The following OTOP1 variants were observed in gnomAD, a reference collection of about 807,000 sequenced individuals.
OTOP1 encodes the protein proton channel OTOP1.
Under a neutral mutation model 52.9 loss-of-function variants are expected in OTOP1, and 59 were observed. That is an observed-to-expected ratio of 1.12 (90% CI 0.91 to 1.39). The LOEUF is 1.39. Ranked by LOEUF, OTOP1 falls within the 40% of genes most tolerant of loss-of-function variation. The pLI is 0.00. For synonymous variants in OTOP1, 317 were observed against 337.7 expected (o/e 0.94, Z 0.67); for missense variants, 761 against 800.9 (o/e 0.95, Z 0.60).
chr4:4,226,013 G>A (rs1717424190), intron 1 of OTOP1, among the ~76,000 whole-genome samples: 1 of 152,230 alleles, frequency 6.6e-6, no homozygotes, highest in African/African-American at 2.4e-5. Context: ...CGAATGTGCA[G>A]AGGCAGAGGT....
At position 4,199,233 on chromosome 4, in the gene OTOP1, T is replaced by TGAGAGAGAGAGAGA. The variant is rs71600542; in HGVS notation, c.731-1144_731-1131dup. On this transcript the variant is annotated intron_variant, in intron 4 of 5. Transcript: ENST00000296358. ...ACTCAGGTAAAATTGTGTGTGTGTG[T>TGAGAGAGAGAGAGA]GAGAGAGAGAGAGAGAGAGAGAGAG... is the stretch of plus-strand genomic sequence containing the variant. Among the ~76,000 whole-genome samples the TGAGAGAGAGAGAGA allele has an allele frequency of 1.1e-4, 11 of 98,566 alleles. 1 individual carries two copies. Among genetic ancestry groups the TGAGAGAGAGAGAGA allele is most frequent in the African/African-American group, 4.4e-4 (10 of 22,634 alleles). 64.7% of individuals were successfully genotyped at this position (98,566 alleles called of 152,430 possible).
chr4:4,191,898 AGAAGGGAGAGAG>A (rs1043544055), intron 5 of OTOP1, among the ~76,000 whole-genome samples: 1 of 152,190 alleles, frequency 6.6e-6, no homozygotes, highest in African/African-American at 2.4e-5. Flanking sequence ...ACCTTCTAAA[AGAAGGGAGAGAG>A]GAAGGGAGAG....
Position 4,220,105 on chromosome 4 carries a change from A to ATT in OTOP1, c.403+6355_403+6356dup, listed in dbSNP as rs1183792130. ...CATATATATATATATATATATATAT[A>ATT]TTTTTTTTTTTTTTGAGATGGAGTT... On this transcript the variant is annotated intron_variant, in intron 1 of 5. Transcript: ENST00000296358. Among the ~76,000 whole-genome samples the ATT allele has an allele frequency of 6.2e-3, 369 of 59,396 alleles. 5 individuals carry two copies. Among genetic ancestry groups the ATT allele is most frequent in the South Asian group, 0.014 (28 of 1,962 alleles). 39.0% of individuals were successfully genotyped at this position (59,396 alleles called of 152,430 possible). A position where few individuals can be genotyped will look rare whatever the true frequency, so the allele number is the denominator to read the frequency against.
chr4:4,200,178 G>A (rs1315960196), intron 4 of OTOP1, among the ~76,000 whole-genome samples: 1 of 152,150 alleles, frequency 6.6e-6, no homozygotes, highest in Non-Finnish European at 1.5e-5. Context: ...TTTAGTTTAT[G>A]ATATGTATAT....
intron 3 of OTOP1, among the ~76,000 whole-genome samples, chr4:4,204,712 CTGTGTGTGTGTGTG>C (rs10526016): frequency 6.0e-5 from 9 of 149,998 alleles, no homozygotes; most frequent in South Asian, 2.1e-4. Flanking sequence ...TTTCCTTCAT[CTGTGTGTGTGTGTG>C]TGTGTGTGTG....
chr4:4,226,446 C>T lies in OTOP1; in HGVS notation c.403+16G>A, dbSNP rs745535513. 2.1e-5 allele frequency: 30 copies of T among 1,422,706 alleles called. No individual in the cohort carries two copies. The African/African-American group carries it at 3.0e-4, about 14-fold the overall frequency. 88.1% of individuals were successfully genotyped at this position (1,422,706 alleles called of 1,614,324 possible). On this transcript the variant is annotated intron_variant, in intron 1 of 5. Coordinates refer to ENST00000296358, the MANE Select transcript of OTOP1 (RefSeq NM_177998.3). The stretch of plus-strand genomic sequence containing the variant: ...GCGAGGAGGCGGAGACCCGCTCGCC[C>T]GGCGCCTGGACTCACCGCGCAGCCA...
chr4:4,197,142 T>C lies in OTOP1; in HGVS notation c.1668+24A>G, dbSNP rs565363679. ...AAAGTTTAAAGTAAAATTAAAAGAA[T>C]AAGAATAACTTGGTGCAGATTACCG... is the stretch of plus-strand genomic sequence containing the variant. On this transcript the variant is annotated intron_variant, in intron 5 of 5. Coordinates refer to ENST00000296358, the MANE Select transcript of OTOP1 (RefSeq NM_177998.3). 581 of 1,560,188 alleles carry C rather than the reference T, an allele frequency of 3.7e-4. 7 individuals are homozygous for C. The South Asian group carries it at 6.5e-3, about 17-fold the overall frequency.
In OTOP1 at chr4:4,206,276, C is replaced by T. The variant is rs1716904871; in HGVS notation, c.541-146G>A. 4 of 612,908 alleles carry T rather than the reference C, an allele frequency of 6.5e-6. No homozygotes were observed. In the Admixed American group the frequency reaches 8.8e-5, roughly 13 times the overall value. The allele number at this position is 612,908 out of a possible 1,614,324, so 38.0% of individuals were successfully genotyped here. On this transcript the variant is annotated intron_variant, in intron 2 of 5. Coordinates refer to ENST00000296358, the MANE Select transcript of OTOP1 (RefSeq NM_177998.3). ...TCCTACTCCATCTTAGGTGGCAGTG[C>T]CACTCCTCAATGGGGACAATGATCC...
chr4:4,190,701 A>G (rs1487626470), intron 5 of OTOP1, among the ~76,000 whole-genome samples: 1 of 152,114 alleles, frequency 6.6e-6, no homozygotes, highest in Non-Finnish European at 1.5e-5. Context: ...AGAGGACTTG[A>G]GCATCTGTGC....
At chr4:4,215,724 A>G (rs10000020) in intron 1 of OTOP1, among the ~76,000 whole-genome samples, 40,415 of 151,992 alleles carry the variant, frequency 0.27, 6,591 homozygotes, top group African/African-American at 0.45. Context: ...GGTCATACAG[A>G]TATACAGGAA....
intron 5 of OTOP1, among the ~76,000 whole-genome samples, chr4:4,191,267 C>G (rs1195586967): frequency 3.9e-5 from 6 of 152,174 alleles, no homozygotes; most frequent in Non-Finnish European, 5.9e-5. Context: ...ACCTGTCCAT[C>G]CAGACTTTCT....
chr4:4,215,244 C>A (rs903515261), intron 1 of OTOP1, among the ~76,000 whole-genome samples: 2 of 152,238 alleles, frequency 1.3e-5, no homozygotes, highest in African/African-American at 4.8e-5. Context: ...ACACAATCAA[C>A]AAAGCCTGGT....
intron 1 of OTOP1, 120 bp downstream of exon 1, chr4:4,226,342 G>C (rs576578476): frequency 6.0e-6 from 6 of 1,006,224 alleles, no homozygotes; most frequent in Non-Finnish European, 8.0e-6. Context: ...GATGCACAGA[G>C]AGACCAAGGC....
At chr4:4,224,100 G>C (rs112509081) in intron 1 of OTOP1, among the ~76,000 whole-genome samples, 48 of 152,158 alleles carry the variant, frequency 3.2e-4, no homozygotes, top group African/African-American at 1.1e-3. Context: ...TGTAATCCCA[G>C]CACTTTGGGA....
chr4:4,226,867 T>G lies in OTOP1; in HGVS notation c.-3A>C. The G allele has an allele frequency of 7.6e-7, 1 of 1,322,286 alleles. No homozygotes were observed. Among genetic ancestry groups the G allele is most frequent in the Non-Finnish European group, 9.6e-7 (1 of 1,039,892 alleles). The allele number at this position is 1,322,286 out of a possible 1,614,324, so 81.9% of individuals were successfully genotyped here. ...GGCGACCCCAGGCCCTCGAGCATCT[T>G]CGAGACACCCGCGCCAAGTCTGGTC... On this transcript the variant is annotated 5_prime_UTR_variant, in exon 1 of 6. Transcript: ENST00000296358.
rs779325797 is a variant in OTOP1, at chr4:4,188,974, C to G, written c.1669-1G>C. ...AGCCAAAGGCGGGAGGTATCCAAAG[C>G]TGCAAGAGAAGAGAAAATGGCATGT... is the stretch of plus-strand genomic sequence containing the variant. On this transcript the variant is annotated splice_acceptor_variant, in intron 5 of 5. Coordinates refer to ENST00000296358, the MANE Select transcript of OTOP1 (RefSeq NM_177998.3). LOFTEE classifies it high-confidence loss of function. The G allele has an allele frequency of 6.2e-7, 1 of 1,610,460 alleles. No homozygotes were observed. Among genetic ancestry groups the G allele is most frequent in the Non-Finnish European group, 8.5e-7 (1 of 1,178,432 alleles).
intron 4 of OTOP1, among the ~76,000 whole-genome samples, chr4:4,201,914 T>C (rs1287671720): frequency 2.0e-5 from 3 of 152,146 alleles, no homozygotes; most frequent in African/African-American, 4.8e-5. Context: ...GATGAAAATA[T>C]AAAGATTAAC....
At chr4:4,189,429 C>G (rs1426303904) in intron 5 of OTOP1, among the ~76,000 whole-genome samples, 2 of 152,230 alleles carry the variant, frequency 1.3e-5, no homozygotes, top group Non-Finnish European at 2.9e-5. Context: ...GTTCTCTCCC[C>G]CTGTGCCACC....
At chr4:4,192,482 G>A (rs1318239404) in intron 5 of OTOP1, among the ~76,000 whole-genome samples, 2 of 152,186 alleles carry the variant, frequency 1.3e-5, no homozygotes, top group Non-Finnish European at 2.9e-5. Flanking sequence ...TCATACATTT[G>A]GGGTAGTTCA....
Sources: allele counts gnomAD v4.1 joint callset (sites outside exome capture counted in the v4.1 genomes callset), GRCh38; gene constraint gnomAD v4.1.1; transcripts MANE v1.5; gene names NCBI Gene and HGNC (gene_info 2026-07-23, HGNC 2026-07-21).